Variants in HPCAL1 observed in about 807,000 individuals in gnomAD.
HPCAL1 encodes hippocalcin like 1, also known as hippocalcin-like protein 1.
In HPCAL1, 8 loss-of-function variants were observed where a neutral mutation model predicts 17.1. The ratio of observed to expected loss-of-function variants is 0.47; its 90% CI spans 0.27 to 0.84. The LOEUF (loss-of-function observed/expected upper bound fraction) is 0.84, where lower values mean the gene tolerates loss of function less well. Ranked by LOEUF, HPCAL1 falls within the 40% of genes least tolerant of loss-of-function variation. The pLI is 0.13. For missense variants in HPCAL1, 165 were observed against 271.1 expected, an observed-to-expected ratio of 0.61 and a Z score of 2.75; for synonymous variants, 112 against 111.4, an observed-to-expected ratio of 1.01 and a Z score of -0.03.
rs1665162391 is a variant in HPCAL1 at position 10,342,554 on chromosome 2, T to C, written c.-111+39377T>C. 1.3e-5 allele frequency among the ~76,000 whole-genome samples: 2 copies of C among 152,226 alleles called. No individual in the cohort carries two copies. Among genetic ancestry groups the C allele is most frequent in the South Asian group, 4.1e-4 (2 of 4,832 alleles). On this transcript the variant is annotated intron_variant, in intron 1 of 4. Coordinates refer to ENST00000307845, the MANE Select transcript of HPCAL1 (RefSeq NM_002149.4). This position sits in a 1 kb window ranked among gnomAD's most constrained non-coding sequence, Gnocchi z 4.1. ...AGGGAGCGGGGCTTGTGCTGGACTTTGCAGGATGCCAGACTTTTGGCAGGG... is the reference window on the plus strand; with the variant it reads ...AGGGAGCGGGGCTTGTGCTGGACTTCGCAGGATGCCAGACTTTTGGCAGGG...
intron 1 of HPCAL1, among the ~76,000 whole-genome samples, chr2:10,320,623 C>T (rs1663616900): frequency 6.6e-6 from 1 of 152,190 alleles, no homozygotes; most frequent in Non-Finnish European, 1.5e-5. Context: ...CTGACAGGGA[C>T]CGTGTGTTTG....
intron 2 of HPCAL1, among the ~76,000 whole-genome samples, chr2:10,399,268 C>T (rs762957588): frequency 2.7e-3 from 216 of 78,802 alleles, no homozygotes; most frequent in Middle Eastern, 0.013. Flanking sequence ...ACCATCACCA[C>T]CACCACCACC....
At chr2:10,405,900 G>A (rs925427479) in intron 2 of HPCAL1, among the ~76,000 whole-genome samples, 8 of 152,220 alleles carry the variant, frequency 5.3e-5, no homozygotes, top group African/African-American at 1.9e-4. Context: ...TGCAGTATGC[G>A]CCAAGTCCCC....
At position 10,377,698 on chromosome 2, in the gene HPCAL1, G is replaced by A. The variant is rs1484132784; in HGVS notation, c.-110-19137G>A. Among the ~76,000 whole-genome samples the A allele has an allele frequency of 6.6e-6, 1 of 152,084 alleles. No individual in the cohort carries two copies. Among genetic ancestry groups the A allele is most frequent in the African/African-American group, 2.4e-5 (1 of 41,370 alleles). On this transcript the variant is annotated intron_variant, in intron 1 of 4. Coordinates refer to ENST00000307845, the MANE Select transcript of HPCAL1 (RefSeq NM_002149.4). The surrounding 1 kb of genome is among the most constrained non-coding windows in gnomAD (Gnocchi z 5.9). Reference sequence around the variant, plus strand: ...AGCATGCACTCTGAGGGCAGACCCTGGCCGGGCACCAAGATACAAAAGGTT... The same window carrying A: ...AGCATGCACTCTGAGGGCAGACCCTAGCCGGGCACCAAGATACAAAAGGTT...
At position 10,394,552 on chromosome 2, in the gene HPCAL1, TGGTGGGTGCGCATC is replaced by T. The variant is rs1668891388; in HGVS notation, c.-110-2279_-110-2266del. Among the ~76,000 whole-genome samples the T allele has an allele frequency of 6.6e-6, 1 of 152,172 alleles. No homozygotes were observed. On this transcript the variant is annotated intron_variant, in intron 1 of 4. Coordinates refer to ENST00000307845, the MANE Select transcript of HPCAL1 (RefSeq NM_002149.4). This position sits in a 1 kb window ranked among gnomAD's most constrained non-coding sequence, Gnocchi z 5.0. ...GAGCCCGCGCTATGTGATGCTGTAA[TGGTGGGTGCGCATC>T]GGTACACGTTTGTCAAAGCCCACGG...
chr2:10,374,014 C>T (rs948626201), intron 1 of HPCAL1, among the ~76,000 whole-genome samples: 21 of 152,316 alleles, frequency 1.4e-4, no homozygotes, highest in African/African-American at 4.8e-4. Context: ...AGTCCTCTGT[C>T]CCCTAGTCTC....
chr2:10,356,101 T>C (rs1666136930), intron 1 of HPCAL1, among the ~76,000 whole-genome samples: 1 of 152,212 alleles, frequency 6.6e-6, no homozygotes, highest in Non-Finnish European at 1.5e-5. Context: ...AGTTCATTTA[T>C]TCATTTACTC....
At chr2:10,391,626 C>T (rs144545835) in intron 1 of HPCAL1, among the ~76,000 whole-genome samples, 183 of 152,336 alleles carry the variant, frequency 1.2e-3, no homozygotes, top group African/African-American at 4.1e-3. Flanking sequence ...TTTCCCCATC[C>T]GCTCTTCTGC....
intron 1 of HPCAL1, among the ~76,000 whole-genome samples, chr2:10,345,917 T>G (rs1665410183): frequency 6.6e-6 from 1 of 152,232 alleles, no homozygotes; most frequent in Non-Finnish European, 1.5e-5. Flanking sequence ...TTGCCGTATT[T>G]TGGAAGATTT....
intron 1 of HPCAL1, among the ~76,000 whole-genome samples, chr2:10,332,414 CCT>C (rs1664438796): frequency 6.6e-6 from 1 of 152,338 alleles, no homozygotes; most frequent in South Asian, 2.1e-4. Context: ...CTGGCCCGCC[CCT>C]CTGCGGTTCT....
In HPCAL1 at chr2:10,389,357, C is replaced by T. The variant is rs190407014; in HGVS notation, c.-110-7478C>T. ...CCGCAAGGAACAGTCCCTCTGCTGC[C>T]GCTGGGCACAGCTGCTTCAGTAAAA... On this transcript the variant is annotated intron_variant, in intron 1 of 4. Transcript: ENST00000307845. 9.0e-4 allele frequency among the ~76,000 whole-genome samples: 137 copies of T among 152,350 alleles called. 1 individual carries two copies. Among genetic ancestry groups the T allele is most frequent in the Non-Finnish European group, 1.6e-3 (110 of 68,022 alleles).
At chr2:10,378,280 G>C (rs2125531226) in intron 1 of HPCAL1, among the ~76,000 whole-genome samples, 1 of 132,588 alleles carries the variant, frequency 7.5e-6, no homozygotes, top group East Asian at 2.2e-4. Context: ...GGACTCGTTT[G>C]CACACACAGT....
At chr2:10,402,615 C>G (rs746767567) in intron 2 of HPCAL1, among the ~76,000 whole-genome samples, 24 of 152,238 alleles carry the variant, frequency 1.6e-4, no homozygotes, top group Non-Finnish European at 2.5e-4. Context: ...CCTAGCGTTT[C>G]AGCCGGGCTG....
At chr2:10,410,388 C>A (rs1368956153) in intron 2 of HPCAL1, among the ~76,000 whole-genome samples, 1 of 151,156 alleles carries the variant, frequency 6.6e-6, no homozygotes, top group African/African-American at 2.4e-5. Flanking sequence ...CAGGGCTCCC[C>A]AGCTGCATGT....
At chr2:10,369,095 C>G (rs996254977) in intron 1 of HPCAL1, 6 of 152,166 alleles carry the variant, frequency 3.9e-5, no homozygotes, top group African/African-American at 1.4e-4. Context: ...CGCACTGGAA[C>G]CTGCCCATCA....
intron 1 of HPCAL1, among the ~76,000 whole-genome samples, chr2:10,320,608 G>A (rs997664914): frequency 6.6e-6 from 1 of 152,144 alleles, no homozygotes. Context: ...ATAGCAGTGC[G>A]AGAACTGACA....
chr2:10,394,698 A>T lies in HPCAL1; in HGVS notation c.-110-2137A>T, dbSNP rs954889019. Among the ~76,000 whole-genome samples the T allele has an allele frequency of 6.6e-6, 1 of 152,118 alleles. No individual in the cohort carries two copies. The highest frequency in any genetic ancestry group is 6.5e-5 in the Admixed American group (1 of 15,274). ...AACAAATGGCCTGCTCTGGCAGGGG[A>T]TGTGGATCGTGGGGAAGGCTGTGGC... On this transcript the variant is annotated intron_variant, in intron 1 of 4. Coordinates refer to ENST00000307845, the MANE Select transcript of HPCAL1 (RefSeq NM_002149.4). This position sits in a 1 kb window ranked among gnomAD's most constrained non-coding sequence, Gnocchi z 5.0.
At chr2:10,364,179 G>A (rs1293328264) in intron 1 of HPCAL1, among the ~76,000 whole-genome samples, 2 of 152,238 alleles carry the variant, frequency 1.3e-5, no homozygotes, top group African/African-American at 4.8e-5. Flanking sequence ...GGGTGGCAAA[G>A]GTCCTAGAGA....
rs775357190 is a variant in HPCAL1, at chr2:10,377,449, G to A, written c.-110-19386G>A. Among the ~76,000 whole-genome samples, 3 of 152,162 alleles carry A rather than the reference G, an allele frequency of 2.0e-5. No homozygotes were observed. The highest frequency in any genetic ancestry group is 4.8e-5 in the African/African-American group (2 of 41,428). On this transcript the variant is annotated intron_variant, in intron 1 of 4. Coordinates refer to ENST00000307845, the MANE Select transcript of HPCAL1 (RefSeq NM_002149.4). This position sits in a 1 kb window ranked among gnomAD's most constrained non-coding sequence, Gnocchi z 5.9. Reference sequence around the variant, plus strand: ...GTACAGTCAACAACTCTCACTCGCCGCGGGCACCTGCTGTGCCCACCTGCT... The same window carrying A: ...GTACAGTCAACAACTCTCACTCGCCACGGGCACCTGCTGTGCCCACCTGCT...
Sources: allele counts gnomAD v4.1 joint callset (sites outside exome capture counted in the v4.1 genomes callset), GRCh38; gene constraint gnomAD v4.1.1; non-coding constraint Gnocchi (gnomAD v3.1); transcripts MANE v1.5; gene names NCBI Gene and HGNC (gene_info 2026-07-23, HGNC 2026-07-21).